ESR1: variants seen among roughly 807,000 people sequenced by gnomAD.
ESR1 encodes the protein estrogen receptor.
Under a neutral mutation model 52.7 loss-of-function variants are expected in ESR1, and 12 were observed. That is an observed-to-expected ratio of 0.23 (90% CI 0.15 to 0.37). The LOEUF is 0.37. Among genes scored for constraint, ESR1 ranks in the 10% least tolerant of loss-of-function variants. The pLI, the probability that ESR1 is intolerant of heterozygous loss-of-function variation, is 1.00. For missense variants in ESR1, 584 were observed against 779.7 expected (o/e 0.75, Z 2.99); for synonymous variants, 305 against 316.8 (o/e 0.96, Z 0.39).
chr6:151,669,214 A>AGAGAGAGAGAGAGAGAGAGAGAGAG, intron 1 of ESR1, among the ~76,000 whole-genome samples: 1 of 113,664 alleles, frequency 8.8e-6, no homozygotes, highest in African/African-American at 3.7e-5. Context: ...AGAACAGAAC[A>AGAGAGAGAGAGAGAGAGAGAGAGAG]AGTGAGAAAG....
At chr6:151,999,063 C>T (rs1379959114) in intron 4 of ESR1, among the ~76,000 whole-genome samples, 2 of 152,054 alleles carry the variant, frequency 1.3e-5, no homozygotes, top group Non-Finnish European at 2.9e-5. Flanking sequence ...CTGGCCAGTC[C>T]TCAGCTGGCC....
At chr6:151,779,616 C>T (rs886951932) in intron 2 of ESR1, among the ~76,000 whole-genome samples, 29 of 152,070 alleles carry the variant, frequency 1.9e-4, no homozygotes, top group African/African-American at 5.3e-4. Flanking sequence ...GACAGTGTGG[C>T]GATTCCTCAA....
intron 4 of ESR1, among the ~76,000 whole-genome samples, chr6:151,965,703 G>A (rs1433463844): frequency 6.6e-6 from 1 of 151,812 alleles, no homozygotes; most frequent in Admixed American, 6.6e-5. Flanking sequence ...ATCAACTTTG[G>A]ACATATCTAT....
Position 151,672,191 on chromosome 6 carries a change from T to A in ESR1, n.73+15428T>A, listed in dbSNP as rs567188703. On this transcript the variant is annotated intron_variant and non_coding_transcript_variant, in intron 1 of 2. Transcript: ENST00000473497. ...GTATGTGAGGTGGTAGATATGTTAA[T>A]TAGCTTGATTTAATCATTTCACATT... Among the ~76,000 whole-genome samples, 5 of 152,162 alleles carry A rather than the reference T, an allele frequency of 3.3e-5. No homozygotes were observed. The South Asian group carries it at 8.3e-4, about 25-fold the overall frequency.
chr6:152,003,969 G>A (rs1244212135), intron 4 of ESR1, among the ~76,000 whole-genome samples: 5 of 151,882 alleles, frequency 3.3e-5, no homozygotes, highest in Admixed American at 2.6e-4. Context: ...TATATTTAAA[G>A]TAAAGAACAA....
chr6:151,940,779 C>T (rs2034962206), intron 3 of ESR1, among the ~76,000 whole-genome samples: 1 of 152,240 alleles, frequency 6.6e-6, no homozygotes, highest in East Asian at 1.9e-4. Context: ...GTCTTCCTCC[C>T]TCCAAGCTGA....
At chr6:152,116,802 C>G (rs2051215958) in intron 6 of ESR1, among the ~76,000 whole-genome samples, 1 of 151,566 alleles carries the variant, frequency 6.6e-6, no homozygotes, top group Non-Finnish European at 1.5e-5. Context: ...ATAAATTATA[C>G]TACATACTGC....
At chr6:151,839,398 T>C (rs1783913593) in intron 1 of ESR1, among the ~76,000 whole-genome samples, 1 of 152,180 alleles carries the variant, frequency 6.6e-6, no homozygotes, top group Non-Finnish European at 1.5e-5. Context: ...TTCATGAGAA[T>C]GTAAAATGGT....
At chr6:151,848,517 C>A (rs1388808742) in intron 2 of ESR1, among the ~76,000 whole-genome samples, 1 of 150,476 alleles carries the variant, frequency 6.6e-6, no homozygotes, top group Non-Finnish European at 1.5e-5. Context: ...GATCTTAGTT[C>A]TTTTGGGCTT....
rs2152510362 is a variant in ESR1 at position 152,101,632 on chromosome 6, G to A, written c.*2666G>A. ...TATTTTCTGGCTGATGTTGGTATTG[G>A]GTGTAGGAACATGATTTAAAAAAAA... On this transcript the variant is annotated 3_prime_UTR_variant, in exon 8 of 8. Coordinates refer to ENST00000206249, the MANE Select transcript of ESR1 (RefSeq NM_000125.4). The A allele has an allele frequency of 4.3e-6, 1 of 230,894 alleles. No individual in the cohort carries two copies. The highest frequency in any genetic ancestry group is 2.2e-5 in the African/African-American group (1 of 45,300). The allele number at this position is 230,894 out of a possible 1,614,324, so 14.3% of individuals were successfully genotyped here.
intron 6 of ESR1, among the ~76,000 whole-genome samples, chr6:152,115,466 C>G (rs1353126155): frequency 6.6e-6 from 1 of 151,918 alleles, no homozygotes; most frequent in African/African-American, 2.4e-5. Context: ...AAAAATAATT[C>G]CAGATAGATT....
At chr6:151,748,459 G>A (rs572455898) in intron 2 of ESR1, among the ~76,000 whole-genome samples, 25 of 152,216 alleles carry the variant, frequency 1.6e-4, no homozygotes, top group African/African-American at 5.5e-4. Flanking sequence ...TTTTTGTGAC[G>A]ATGTACCTTC....
Position 152,061,260 on chromosome 6 carries a change from C to A in ESR1, c.1369+136C>A. ...CTACTGACACACGTTTTAAAATAACCTACCAACATTGCAGATTCCTTATAA... is the reference window on the plus strand; with the variant it reads ...CTACTGACACACGTTTTAAAATAACATACCAACATTGCAGATTCCTTATAA... On this transcript the variant is annotated intron_variant, in intron 6 of 7. Transcript: ENST00000206249. The surrounding 1 kb of genome is among the most constrained non-coding windows in gnomAD (Gnocchi z 4.3). 1 of 846,818 alleles carries A rather than the reference C, an allele frequency of 1.2e-6. No homozygotes were observed. The highest frequency in any genetic ancestry group is 1.9e-6 in the Non-Finnish European group (1 of 513,960). The allele number at this position is 846,818 out of a possible 1,614,324, so 52.5% of individuals were successfully genotyped here. A position where few individuals can be genotyped will look rare whatever the true frequency, so the allele number is the denominator to read the frequency against.
intron 1 of ESR1, among the ~76,000 whole-genome samples, chr6:151,669,189 A>AGAGAGAGAGAGAGAGAG (rs774737323): frequency 8.0e-5 from 7 of 87,112 alleles, no homozygotes; most frequent in African/African-American, 2.3e-4. Context: ...AGAGAGAGAG[A>AGAGAGAGAGAGAGAGAG]TGGGAATCCA....
chr6:151,803,747 T>C (rs180696926), upstream of ESR1, among the ~76,000 whole-genome samples: 108 of 152,196 alleles, frequency 7.1e-4, no homozygotes, highest in Non-Finnish European at 1.1e-3. Flanking sequence ...AGAGAGATTG[T>C]AAAGCTAGAA....
At chr6:151,713,044 C>T (rs767323065) in intron 2 of ESR1, among the ~76,000 whole-genome samples, 64 of 151,916 alleles carry the variant, frequency 4.2e-4, no homozygotes, top group Admixed American at 7.2e-4. Flanking sequence ...GTTTTTAGCA[C>T]GAAGGGGTGT....
rs931342260 is a variant in ESR1, at chr6:152,101,314, A to T, written c.*2348A>T. ...GTAGTAATATTTTTGGACAGTAGCT[A>T]ATGGGTCAGTGGGTTCTTTTTAATG... On this transcript the variant is annotated 3_prime_UTR_variant, in exon 8 of 8. Coordinates refer to ENST00000206249, the MANE Select transcript of ESR1 (RefSeq NM_000125.4). 1 of 232,344 alleles carries T rather than the reference A, an allele frequency of 4.3e-6. No individual in the cohort carries two copies. Among genetic ancestry groups the T allele is most frequent in the African/African-American group, 2.2e-5 (1 of 45,294 alleles). 14.4% of individuals were successfully genotyped at this position (232,344 alleles called of 1,614,324 possible). A position where few individuals can be genotyped will look rare whatever the true frequency, so the allele number is the denominator to read the frequency against.
intron 4 of ESR1, among the ~76,000 whole-genome samples, chr6:151,950,289 G>T (rs1331041634): frequency 1.3e-5 from 2 of 152,180 alleles, no homozygotes; most frequent in Non-Finnish European, 2.9e-5. Context: ...TATGTTGAAC[G>T]TAGTGGACTT....
chr6:151,814,001 T>C (rs1476902814), intron 1 of ESR1: 1 of 152,158 alleles, frequency 6.6e-6, no homozygotes, highest in Admixed American at 6.5e-5. Context: ...GCCGTAGAAC[T>C]GGCCGGGCCC....
Sources: allele counts gnomAD v4.1 joint callset (sites outside exome capture counted in the v4.1 genomes callset), GRCh38; gene constraint gnomAD v4.1.1; non-coding constraint Gnocchi (gnomAD v3.1); transcripts MANE v1.5; gene names NCBI Gene and HGNC (gene_info 2026-07-23, HGNC 2026-07-21).